The following ZNG1E variants were observed in gnomAD, a reference collection of about 807,000 sequenced individuals.
The protein encoded by ZNG1E is zinc-regulated GTPase metalloprotein activator 1E.
chr9:65,665,308 G>A, the ZNG1E span, among the ~76,000 whole-genome samples: 6 of 152,262 alleles, frequency 3.9e-5, no homozygotes, highest in African/African-American at 1.2e-4. Flanking sequence ...ATGCAGTCTA[G>A]GGACTTCATA....
the ZNG1E span, among the ~76,000 whole-genome samples, chr9:65,693,135 T>G: frequency 6.6e-6 from 1 of 152,258 alleles, no homozygotes; most frequent in Non-Finnish European, 1.5e-5. Flanking sequence ...ATTTAAAAAG[T>G]ACATATTGAA....
At chr9:65,657,770 C>T in the ZNG1E span, among the ~76,000 whole-genome samples, 59 of 152,368 alleles carry the variant, frequency 3.9e-4, no homozygotes, top group South Asian at 5.8e-3. Context: ...ACGGATATAC[C>T]ATTTACCTGA....
At chr9:65,663,875 TC>T in the ZNG1E span, among the ~76,000 whole-genome samples, 2 of 151,964 alleles carry the variant, frequency 1.3e-5, no homozygotes, top group Admixed American at 6.6e-5. Flanking sequence ...GTCTCTGTCA[TC>T]TATAGTACTC....
the ZNG1E span, chr9:65,689,042 AAACTATTTCCCTAC>A: frequency 1.2e-3 from 113 of 94,860 alleles, 1 homozygote; most frequent in Middle Eastern, 0.012. Context: ...AGGATTTTGT[AAACTATTTCCCTAC>A]AACCTCTTAT....
the ZNG1E span, among the ~76,000 whole-genome samples, chr9:65,724,481 A>AG: frequency 9.3e-6 from 1 of 107,536 alleles, no homozygotes; most frequent in Non-Finnish European, 1.9e-5. Flanking sequence ...CCATTTCTGC[A>AG]AAAAATACAA....
chr9:65,709,253 A>T, the ZNG1E span, among the ~76,000 whole-genome samples: 1 of 148,676 alleles, frequency 6.7e-6, no homozygotes, highest in Non-Finnish European at 1.5e-5. Flanking sequence ...AAAATGCATG[A>T]AATACATGGA....
chr9:65,688,100 C>A, the ZNG1E span, among the ~76,000 whole-genome samples: 1 of 151,138 alleles, frequency 6.6e-6, no homozygotes, highest in Non-Finnish European at 1.5e-5. Context: ...CATCTGAAGC[C>A]TTTCTTTTTG....
the ZNG1E span, among the ~76,000 whole-genome samples, chr9:65,655,900 T>G: frequency 6.7e-6 from 1 of 150,156 alleles, no homozygotes; most frequent in East Asian, 1.9e-4. Context: ...GGAGTGTTAG[T>G]AGTAACCTTG....
the ZNG1E span, among the ~76,000 whole-genome samples, chr9:65,693,081 T>C: frequency 1.5e-3 from 221 of 151,046 alleles, no homozygotes; most frequent in Non-Finnish European, 2.1e-3. Flanking sequence ...CGTTTACCTA[T>C]GTAACAAACC....
At chr9:65,699,090 T>TA in the ZNG1E span, among the ~76,000 whole-genome samples, 36 of 149,434 alleles carry the variant, frequency 2.4e-4, no homozygotes, top group African/African-American at 6.9e-4. Flanking sequence ...TTTATTTTAT[T>TA]TTATTTTTTT....
At chr9:65,680,955 A>C in the ZNG1E span, among the ~76,000 whole-genome samples, 1 of 152,178 alleles carries the variant, frequency 6.6e-6, no homozygotes, top group East Asian at 1.9e-4. Context: ...CACCTGGCTA[A>C]TTTTTTGTAA....
chr9:65,655,996 G>A, the ZNG1E span, among the ~76,000 whole-genome samples: 1 of 135,404 alleles, frequency 7.4e-6, no homozygotes, highest in Non-Finnish European at 1.6e-5. Flanking sequence ...TTAGCAGTTA[G>A]AGTTTCCCTT....
the ZNG1E span, among the ~76,000 whole-genome samples, chr9:65,668,305 T>G: frequency 1.4e-5 from 2 of 148,062 alleles, no homozygotes; most frequent in South Asian, 2.2e-4. Context: ...AAGGTAATAT[T>G]GGACCAAAAA....
At chr9:65,716,908 AT>A in the ZNG1E span, among the ~76,000 whole-genome samples, 2 of 146,564 alleles carry the variant, frequency 1.4e-5, no homozygotes, top group Non-Finnish European at 3.0e-5. Context: ...TTATAAAGGT[AT>A]TTTTGGAGTA....
the ZNG1E span, among the ~76,000 whole-genome samples, chr9:65,661,240 T>C: frequency 7.8e-6 from 1 of 128,528 alleles, no homozygotes; most frequent in African/African-American, 3.5e-5. Context: ...AAAATAATTT[T>C]AAACAGCAAA....
the ZNG1E span, among the ~76,000 whole-genome samples, chr9:65,715,370 C>T: frequency 6.6e-6 from 1 of 150,948 alleles, no homozygotes; most frequent in Non-Finnish European, 1.5e-5. Context: ...GCGTCTCTCA[C>T]GCTGGGAGCT....
the ZNG1E span, among the ~76,000 whole-genome samples, chr9:65,660,406 T>G: frequency 6.7e-6 from 1 of 148,498 alleles, no homozygotes; most frequent in African/African-American, 2.5e-5. Flanking sequence ...TGAGTAGGAA[T>G]GAAAAAAGAA....
the ZNG1E span, among the ~76,000 whole-genome samples, chr9:65,680,530 G>A: frequency 5.9e-5 from 9 of 152,104 alleles, no homozygotes; most frequent in Admixed American, 1.3e-4. Context: ...TATATAGTCC[G>A]AATTCTGTAG....
At chr9:65,710,871 G>C in the ZNG1E span, among the ~76,000 whole-genome samples, 358 of 145,582 alleles carry the variant, frequency 2.5e-3, no homozygotes, top group African/African-American at 9.1e-3. Context: ...CTTTAAAGTA[G>C]TTTTTTCCAA....
Sources: gnomAD v4.1 joint callset for allele counts (sites outside exome capture counted in the v4.1 genomes callset) on GRCh38, gnomAD v4.1.1 for gene constraint, MANE v1.5 for transcripts, NCBI Gene and HGNC (gene_info 2026-07-23, HGNC 2026-07-21) for gene names.